Variants in BLTP3B observed in about 807,000 individuals in gnomAD.
The protein encoded by BLTP3B is UHRF1 (ICBP90) binding protein 1-like.
At chr12:100,050,393 T>C in the BLTP3B span, 2 of 1,319,556 alleles carry the variant, frequency 1.5e-6, no homozygotes, top group Admixed American at 5.7e-5. Context: ...TATAGGAAAC[T>C]ACCATTACCC....
chr12:100,103,748 T>G, the BLTP3B span, among the ~76,000 whole-genome samples: 2 of 152,158 alleles, frequency 1.3e-5, no homozygotes, highest in Non-Finnish European at 2.9e-5. Context: ...AGGTTAAAGC[T>G]TCTCATTTAA....
the BLTP3B span, chr12:100,037,429 C>G: frequency 7.7e-7 from 1 of 1,305,032 alleles, no homozygotes; most frequent in Non-Finnish European, 9.7e-7. Flanking sequence ...AGGGTTAAGC[C>G]CCAAAACACA....
the BLTP3B span, chr12:100,047,977 T>G: frequency 6.4e-6 from 10 of 1,557,128 alleles, no homozygotes; most frequent in Non-Finnish European, 8.7e-6. Flanking sequence ...AACTTGTATC[T>G]TCATTGGCAT....
At chr12:100,093,093 C>CGTAT in the BLTP3B span, 1 of 381,570 alleles carries the variant, frequency 2.6e-6, no homozygotes, top group Admixed American at 6.4e-5. Flanking sequence ...GTTTCATATA[C>CGTAT]AGTCACTGCA....
At chr12:100,091,183 ATTTTTTTTTTTTT>A in the BLTP3B span, among the ~76,000 whole-genome samples, 2 of 81,218 alleles carry the variant, frequency 2.5e-5, no homozygotes, top group African/African-American at 1.1e-4. Context: ...CGCCTGGCTA[ATTTTTTTTTTTTT>A]TTTTTTTTTT....
the BLTP3B span, among the ~76,000 whole-genome samples, chr12:100,074,937 G>T: frequency 1.3e-5 from 2 of 151,676 alleles, no homozygotes; most frequent in Admixed American, 6.6e-5. Context: ...ATGGGGAAAG[G>T]ACACCCTATT....
chr12:100,070,390 G>A, the BLTP3B span, among the ~76,000 whole-genome samples: 21 of 151,796 alleles, frequency 1.4e-4, no homozygotes, highest in South Asian at 8.3e-4. Flanking sequence ...AGGTTCAAGC[G>A]AACAGATTAC....
chr12:100,134,928 T>C, the BLTP3B span, among the ~76,000 whole-genome samples: 1 of 152,176 alleles, frequency 6.6e-6, no homozygotes, highest in Non-Finnish European at 1.5e-5. Context: ...TTCAATCCAA[T>C]TTCTCTCTCA....
chr12:100,045,122 A>G, the BLTP3B span, among the ~76,000 whole-genome samples: 1 of 152,366 alleles, frequency 6.6e-6, no homozygotes, highest in African/African-American at 2.4e-5. Flanking sequence ...ATGGAAGAAT[A>G]TTCCATGCTC....
chr12:100,053,124 G>C, the BLTP3B span, among the ~76,000 whole-genome samples: 1 of 151,856 alleles, frequency 6.6e-6, no homozygotes, highest in African/African-American at 2.4e-5. Context: ...ATTTTGCCTG[G>C]CCAGGCACAG....
At chr12:100,140,729 A>AATATATATATATATATATATAT in the BLTP3B span, among the ~76,000 whole-genome samples, 20 of 61,478 alleles carry the variant, frequency 3.3e-4, no homozygotes, top group African/African-American at 1.2e-3. Flanking sequence ...AAAAAAAAAA[A>AATATATATATATATATATATAT]ATATATATAT....
the BLTP3B span, among the ~76,000 whole-genome samples, chr12:100,044,569 G>C: frequency 2.0e-5 from 3 of 152,282 alleles, no homozygotes; most frequent in South Asian, 4.1e-4. Flanking sequence ...TTTTGTTAGA[G>C]TGGAGATGCA....
the BLTP3B span, chr12:100,057,648 A>G: frequency 6.2e-7 from 1 of 1,613,060 alleles, no homozygotes; most frequent in Admixed American, 1.7e-5. Flanking sequence ...GTCAAGTGAA[A>G]TGGTATCCAA....
At chr12:100,074,693 A>T in the BLTP3B span, among the ~76,000 whole-genome samples, 1 of 152,058 alleles carries the variant, frequency 6.6e-6, no homozygotes, top group African/African-American at 2.4e-5. Flanking sequence ...ATTAGAAAAA[A>T]ATTTTAAAAT....
At chr12:100,058,845 A>C in the BLTP3B span, 1 of 1,613,988 alleles carries the variant, frequency 6.2e-7, no homozygotes, top group Admixed American at 1.7e-5. Context: ...ATGTTTATGA[A>C]CATGAACTAG....
At chr12:100,057,561 ATAAC>A in the BLTP3B span, 3 of 1,600,294 alleles carry the variant, frequency 1.9e-6, no homozygotes, top group African/African-American at 4.0e-5. Flanking sequence ...AAGCCGTATC[ATAAC>A]TTTACCTTTT....
At chr12:100,140,598 G>C in the BLTP3B span, among the ~76,000 whole-genome samples, 9 of 149,244 alleles carry the variant, frequency 6.0e-5, no homozygotes, top group East Asian at 1.4e-3. Context: ...CCAGCTACTC[G>C]GGAGGCTGAG....
chr12:100,128,456 AT>A, the BLTP3B span: 3 of 751,270 alleles, frequency 4.0e-6, no homozygotes, highest in South Asian at 1.0e-4. Flanking sequence ...AGTAAAGAAA[AT>A]GAAATAGGTA....
the BLTP3B span, among the ~76,000 whole-genome samples, chr12:100,096,181 G>A: frequency 3.3e-5 from 5 of 152,028 alleles, no homozygotes; most frequent in African/African-American, 9.7e-5. Flanking sequence ...CTTGGCCCAG[G>A]AGGCAGAGGT....
Sources: allele counts gnomAD v4.1 joint callset (sites outside exome capture counted in the v4.1 genomes callset), GRCh38; gene constraint gnomAD v4.1.1; transcripts MANE v1.5; gene names NCBI Gene and HGNC (gene_info 2026-07-23, HGNC 2026-07-21).